COL6A6: variants seen among roughly 807,000 people sequenced by gnomAD.
COL6A6 encodes collagen alpha-6(VI) chain.
A neutral mutation model predicts 208.6 loss-of-function variants in COL6A6; 183 were observed. The ratio of observed to expected loss-of-function variants is 0.88; its 90% CI spans 0.78 to 0.99. The LOEUF is 0.99. Ranked by LOEUF, COL6A6 falls within the 50% of genes least tolerant of loss-of-function variation. The probability of loss-of-function intolerance (pLI) is 0.00; values close to 1 mark genes in which losing one functional copy is unlikely to be tolerated. For missense variants in COL6A6, 2,816 were observed against 2,815.2 expected, an observed-to-expected ratio of 1.00 and a Z score of -0.01; for synonymous variants, 973 against 1,011.8, an observed-to-expected ratio of 0.96 and a Z score of 0.73.
intron 4 of COL6A6, among the ~76,000 whole-genome samples, chr3:130,566,057 T>C (rs2063013650): frequency 6.6e-6 from 1 of 152,216 alleles, no homozygotes; most frequent in Non-Finnish European, 1.5e-5. Flanking sequence ...GAAGAAAAAG[T>C]AATTATGTAA....
intron 36 of COL6A6, among the ~76,000 whole-genome samples, chr3:130,666,538 A>G (rs1167106209): frequency 6.6e-6 from 1 of 152,196 alleles, no homozygotes; most frequent in Non-Finnish European, 1.5e-5. Context: ...ATATAGGTGA[A>G]AGATATACAG....
chr3:130,518,651 C>T (rs1710884170), intron 1 of COL6A6, among the ~76,000 whole-genome samples: 1 of 152,204 alleles, frequency 6.6e-6, no homozygotes, highest in Admixed American at 6.5e-5. Context: ...GGATTACAGG[C>T]ATGAGCCACC....
intron 20 of COL6A6, among the ~76,000 whole-genome samples, chr3:130,602,362 T>TGGTGAATG (rs1189912119): frequency 6.6e-6 from 1 of 152,170 alleles, no homozygotes; most frequent in African/African-American, 2.4e-5. Flanking sequence ...TATTCAAAGA[T>TGGTGAATG]GGTGAATGGT....
intron 1 of COL6A6, among the ~76,000 whole-genome samples, chr3:130,551,123 T>TC (rs1456727499): frequency 1.4e-5 from 1 of 72,994 alleles, no homozygotes; most frequent in Non-Finnish European, 5.2e-5. Flanking sequence ...CTGAAGCTTT[T>TC]TTTTTTTCTG....
chr3:130,590,108 T>TTGA, intron 12 of COL6A6: 1 of 396,610 alleles, frequency 2.5e-6, no homozygotes, highest in Non-Finnish European at 5.0e-6. Context: ...ATAATTCTAG[T>TTGA]TTATCAGTGG....
At chr3:130,545,191 T>C (rs2062461690) in intron 1 of COL6A6, among the ~76,000 whole-genome samples, 1 of 152,200 alleles carries the variant, frequency 6.6e-6, no homozygotes, top group African/African-American at 2.4e-5. Context: ...TTTGAGTTGG[T>C]TTTTGTGGAT....
chr3:130,572,143 GCTT>G (rs2063183691), intron 7 of COL6A6, among the ~76,000 whole-genome samples: 1 of 152,116 alleles, frequency 6.6e-6, no homozygotes, highest in African/African-American at 2.4e-5. Flanking sequence ...GAAGTCACCA[GCTT>G]CTTTGCTTAT....
intron 36 of COL6A6, among the ~76,000 whole-genome samples, chr3:130,666,804 A>G (rs1005623809): frequency 3.9e-5 from 6 of 152,238 alleles, no homozygotes; most frequent in African/African-American, 1.4e-4. Context: ...TAAAGAGATT[A>G]TCATTTTCTA....
intron 28 of COL6A6, 136 bp from the exon 29 acceptor site, chr3:130,641,514 ACT>A (rs1166450272): frequency 2.9e-5 from 13 of 449,734 alleles, no homozygotes; most frequent in South Asian, 1.6e-4. Flanking sequence ...TTTTTGGAAA[ACT>A]CTCAATTTTC....
At chr3:130,553,815 TTGAA>T (rs563371879) in intron 1 of COL6A6, among the ~76,000 whole-genome samples, 156 of 152,014 alleles carry the variant, frequency 1.0e-3, no homozygotes, top group African/African-American at 3.5e-3. Context: ...TTGCTGTCCT[TTGAA>T]TGGGTGTTGC....
rs2065860861 is a variant in COL6A6, at chr3:130,658,643, C to A, written c.5734-33C>A. The A allele has an allele frequency of 2.0e-6, 3 of 1,481,306 alleles. No homozygotes were observed. The East Asian group carries it at 6.9e-5, about 34-fold the overall frequency. 91.8% of individuals were successfully genotyped at this position (1,481,306 alleles called of 1,614,324 possible). ...TAAGAGGTTCTTGCAGCCCTACCCA[C>A]TAAGTTCTTTCTGCTGCTTCTGCTT... On this transcript the variant is annotated intron_variant, in intron 33 of 36. Transcript: ENST00000358511.
chr3:130,596,458 T>C (rs1414065701), intron 18 of COL6A6, among the ~76,000 whole-genome samples: 3 of 152,234 alleles, frequency 2.0e-5, no homozygotes, highest in Non-Finnish European at 4.4e-5. Context: ...AAAGAAATGC[T>C]CTATGACTTC....
intron 36 of COL6A6, among the ~76,000 whole-genome samples, chr3:130,670,005 G>C (rs1276621655): frequency 6.6e-6 from 1 of 152,204 alleles, no homozygotes; most frequent in Non-Finnish European, 1.5e-5. Context: ...TTTCTGCATG[G>C]TGATCAAGGC....
intron 8 of COL6A6, among the ~76,000 whole-genome samples, chr3:130,577,810 A>C (rs2063331230): frequency 6.6e-6 from 1 of 152,236 alleles, no homozygotes; most frequent in Non-Finnish European, 1.5e-5. Context: ...GTAAGTGTTC[A>C]TTGAGAGTTA....
At chr3:130,565,695 G>A in intron 4 of COL6A6, 81 bp downstream of exon 4, 1 of 1,439,696 alleles carries the variant, frequency 6.9e-7, no homozygotes, top group Non-Finnish European at 9.2e-7. Flanking sequence ...AAGTGGATTG[G>A]CTTGGGAAGA....
At chr3:130,571,534 A>G (rs886495676) in intron 7 of COL6A6, 141 bp downstream of exon 7, 3 of 606,602 alleles carry the variant, frequency 4.9e-6, no homozygotes, top group Non-Finnish European at 8.3e-6. Flanking sequence ...TCTATATTAT[A>G]AAATCTGAGG....
chr3:130,594,436 C>G, intron 18 of COL6A6, 93 bp downstream of exon 18: 1 of 979,368 alleles, frequency 1.0e-6, no homozygotes, highest in Non-Finnish European at 1.6e-6. Flanking sequence ...CAATAGTAAC[C>G]CTGAGTTTAA....
In COL6A6 at chr3:130,660,929, C is replaced by T. The variant is rs368691953; in HGVS notation, c.5831-708C>T. Among the ~76,000 whole-genome samples, 44 of 152,274 alleles carry T rather than the reference C, an allele frequency of 2.9e-4. 1 individual carries two copies. The South Asian group carries it at 8.7e-3, about 30-fold the overall frequency. On this transcript the variant is annotated intron_variant, in intron 34 of 36. Transcript: ENST00000358511. The stretch of plus-strand genomic sequence containing the variant: ...ATGACCTTTAAGAACCTTCCATTTC[C>T]ATTTTTTTATTCCTCTGAATATTCA...
rs72996237 is a variant in COL6A6, at chr3:130,614,680, C to T, written c.4815+3969C>T. Among the ~76,000 whole-genome samples, 694 of 151,984 alleles carry T rather than the reference C, an allele frequency of 4.6e-3. 1 individual carries two copies. Among genetic ancestry groups the T allele is most frequent in the Non-Finnish European group, 6.4e-3 (437 of 67,874 alleles). ...GGTAGGCTTTTTATTATTGAGTCAACGTTGGAGCTTGTTATTGGTCTGTTC... is the reference window on the plus strand; with the variant it reads ...GGTAGGCTTTTTATTATTGAGTCAATGTTGGAGCTTGTTATTGGTCTGTTC... On this transcript the variant is annotated intron_variant, in intron 23 of 36. Transcript: ENST00000358511.
Sources: allele counts gnomAD v4.1 joint callset (sites outside exome capture counted in the v4.1 genomes callset), GRCh38; gene constraint gnomAD v4.1.1; transcripts MANE v1.5; gene names NCBI Gene and HGNC (gene_info 2026-07-23, HGNC 2026-07-21).